Variants in CDH13 observed in about 807,000 individuals in gnomAD.
CDH13 encodes the protein cadherin-13.
Under a neutral mutation model 63.8 loss-of-function variants are expected in CDH13, and 24 were observed. The ratio of observed to expected loss-of-function variants is 0.38; its 90% confidence interval spans 0.27 to 0.53. CDH13 has a LOEUF of 0.53. CDH13 is among the 20% of genes least tolerant of loss of function. CDH13 has a pLI of 0.85. For synonymous variants in CDH13, 503 were observed against 355.3 expected (o/e 1.42, Z -4.67); for missense variants, 1,049 against 903.1 (o/e 1.16, Z -2.07).
intron 5 of CDH13, among the ~76,000 whole-genome samples, chr16:83,339,778 A>T (rs2090681513): frequency 6.6e-6 from 1 of 152,094 alleles, no homozygotes; most frequent in South Asian, 2.1e-4. Context: ...CCCTCCCATG[A>T]TCAGCCAAGC....
intron 7 of CDH13, among the ~76,000 whole-genome samples, chr16:83,565,929 C>G (rs1904276941): frequency 6.6e-6 from 1 of 152,132 alleles, no homozygotes; most frequent in Non-Finnish European, 1.5e-5. Flanking sequence ...TGTAACTTGT[C>G]TGATCTTTCT....
chr16:82,979,731 A>C (rs777424008), intron 2 of CDH13, among the ~76,000 whole-genome samples: 1 of 152,242 alleles, frequency 6.6e-6, no homozygotes, highest in East Asian at 1.9e-4. Context: ...ATGAGAACAG[A>C]CAAATGCACA....
chr16:82,740,560 G>A lies in CDH13; in HGVS notation c.45+113423G>A, dbSNP rs140683693. Among the ~76,000 whole-genome samples, 323 of 152,296 alleles carry A rather than the reference G, an allele frequency of 2.1e-3. 1 individual carries two copies. The highest frequency in any genetic ancestry group is 7.4e-3 in the African/African-American group (309 of 41,550). ...GCTTACACATTGCTCCATAGGCTGA[G>A]GGGTTGGCTGATCTAGGCTGGGCTC... On this transcript the variant is annotated intron_variant, in intron 1 of 13. Coordinates refer to ENST00000567109, the MANE Select transcript of CDH13 (RefSeq NM_001257.5).
At chr16:83,254,874 G>GA (rs946481349) in intron 5 of CDH13, among the ~76,000 whole-genome samples, 47 of 152,250 alleles carry the variant, frequency 3.1e-4, no homozygotes, top group Non-Finnish European at 6.3e-4. Flanking sequence ...CCTACTAGGG[G>GA]AAATGCTAGA....
At position 83,026,961 on chromosome 16, in the gene CDH13, G is replaced by A. The variant is rs372608421; in HGVS notation, c.158-5049G>A. Among the ~76,000 whole-genome samples the A allele has an allele frequency of 2.0e-5, 3 of 152,234 alleles. No individual in the cohort carries two copies. The East Asian group carries it at 5.8e-4, about 29-fold the overall frequency. ...AAATGGATACACACGGGGTCCAGGG[G>A]CCAAGGGGAGAGCATAGCTGAGTTC... On this transcript the variant is annotated intron_variant, in intron 2 of 13. Coordinates refer to ENST00000567109, the MANE Select transcript of CDH13 (RefSeq NM_001257.5).
rs201388151 is a variant in CDH13 at position 83,043,487 on chromosome 16, ATGAGTGTGTGTG to A, written c.366+11272_366+11283del. Among the ~76,000 whole-genome samples the A allele has an allele frequency of 2.3e-3, 300 of 133,328 alleles. 2 individuals are homozygous for A. The highest frequency in any genetic ancestry group is 0.015 in the East Asian group (63 of 4,228). 87.5% of individuals were successfully genotyped at this position (133,328 alleles called of 152,430 possible). A position where few individuals can be genotyped will look rare whatever the true frequency, so the allele number is the denominator to read the frequency against. On this transcript the variant is annotated intron_variant, in intron 3 of 13. Coordinates refer to ENST00000567109, the MANE Select transcript of CDH13 (RefSeq NM_001257.5). ...AATAATTTATATAATAACTGTATAT[ATGAGTGTGTGTG>A]TGTGTGTGTGTGTGTGTGTGTGTGT...
chr16:82,873,112 C>G (rs764999594), intron 2 of CDH13, among the ~76,000 whole-genome samples: 1 of 152,074 alleles, frequency 6.6e-6, no homozygotes, highest in Non-Finnish European at 1.5e-5. Flanking sequence ...GAAGCCAAGT[C>G]CTAAACTATG....
At chr16:82,766,686 A>G (rs2035065908) in intron 1 of CDH13, among the ~76,000 whole-genome samples, 1 of 152,202 alleles carries the variant, frequency 6.6e-6, no homozygotes, top group Non-Finnish European at 1.5e-5. Context: ...ATCATTATCC[A>G]ATATATTCCT....
At chr16:82,736,100 T>C (rs1482924520) in intron 1 of CDH13, among the ~76,000 whole-genome samples, 1 of 152,216 alleles carries the variant, frequency 6.6e-6, no homozygotes, top group Non-Finnish European at 1.5e-5. Flanking sequence ...GTTTCCAAAC[T>C]AGTCAGTAAG....
At chr16:82,842,144 ATATATATATATATATATATACAC>A (rs2039054799) in intron 1 of CDH13, among the ~76,000 whole-genome samples, 1 of 23,978 alleles carries the variant, frequency 4.2e-5, no homozygotes, top group Admixed American at 4.3e-4. Flanking sequence ...ATATACACAT[ATATATATATATATATATATACAC>A]ACACACACAT....
intron 1 of CDH13, among the ~76,000 whole-genome samples, chr16:82,732,574 A>G (rs2033459775): frequency 6.6e-6 from 1 of 152,222 alleles, no homozygotes; most frequent in Non-Finnish European, 1.5e-5. Flanking sequence ...GGTTGTTTAA[A>G]AGAGATTTAT....
rs188836674 is a variant in CDH13 at position 82,720,452 on chromosome 16, A to G, written c.45+93315A>G. Among the ~76,000 whole-genome samples, 20 of 152,304 alleles carry G rather than the reference A, an allele frequency of 1.3e-4. No homozygotes were observed. In the South Asian group the frequency reaches 2.7e-3, roughly 21 times the overall value. ...GTCTTGGGTGGCCAAAGCCTCTGCT[A>G]GCACAGGGTAGGAACTGACCCTGGA... On this transcript the variant is annotated intron_variant, in intron 1 of 13. Transcript: ENST00000567109.
intron 11 of CDH13, among the ~76,000 whole-genome samples, chr16:83,756,262 A>C (rs560928094): frequency 2.7e-4 from 41 of 152,252 alleles, no homozygotes; most frequent in Non-Finnish European, 5.4e-4. Context: ...CCACAGTAAA[A>C]TGCAAAATGT....
At chr16:83,063,732 A>C (rs1343616363) in intron 3 of CDH13, among the ~76,000 whole-genome samples, 1 of 152,216 alleles carries the variant, frequency 6.6e-6, no homozygotes, top group Non-Finnish European at 1.5e-5. Flanking sequence ...TTGGAGGCCA[A>C]AAGTTCAAAA....
chr16:82,822,598 G>T (rs1292646357), intron 1 of CDH13, among the ~76,000 whole-genome samples: 10 of 152,138 alleles, frequency 6.6e-5, no homozygotes, highest in Admixed American at 6.6e-4. Context: ...CTGCTCAAGA[G>T]ATCCTCCTGC....
chr16:83,036,722 G>T (rs1733011414), intron 3 of CDH13, among the ~76,000 whole-genome samples: 1 of 152,082 alleles, frequency 6.6e-6, no homozygotes, highest in Admixed American at 6.6e-5. Flanking sequence ...CCTGTGTTCT[G>T]CTTCTTCCCA....
chr16:83,567,136 G>A (rs562025147), intron 7 of CDH13, among the ~76,000 whole-genome samples: 16 of 152,322 alleles, frequency 1.1e-4, no homozygotes, highest in South Asian at 4.1e-4. Context: ...CCTTCTTCCA[G>A]GAGATCCTTG....
intron 1 of CDH13, among the ~76,000 whole-genome samples, chr16:82,628,729 C>G (rs1248881519): frequency 6.6e-6 from 1 of 152,112 alleles, no homozygotes; most frequent in Non-Finnish European, 1.5e-5. Flanking sequence ...TTCCAGATGT[C>G]CTGTACCCTA....
At chr16:82,916,209 GA>G (rs1372851186) in intron 2 of CDH13, among the ~76,000 whole-genome samples, 1 of 152,152 alleles carries the variant, frequency 6.6e-6, no homozygotes, top group Non-Finnish European at 1.5e-5. Context: ...ATGGGCTGCG[GA>G]AATAGGTTAA....
Sources: allele counts gnomAD v4.1 joint callset (sites outside exome capture counted in the v4.1 genomes callset), GRCh38; gene constraint gnomAD v4.1.1; transcripts MANE v1.5; gene names NCBI Gene and HGNC (gene_info 2026-07-23, HGNC 2026-07-21).